NMNAT2: variants seen among roughly 807,000 people sequenced by gnomAD.
NMNAT2 encodes the protein nicotinamide/nicotinic acid mononucleotide adenylyltransferase 2.
Under a neutral mutation model 41.6 loss-of-function variants are expected in NMNAT2, and 11 were observed. The observed-to-expected ratio is 0.26, with a 90% CI of 0.17 to 0.44. The LOEUF (loss-of-function observed/expected upper bound fraction) is 0.44, where lower values mean the gene tolerates loss of function less well. Ranked by LOEUF, NMNAT2 falls within the 20% of genes least tolerant of loss-of-function variation. NMNAT2 has a pLI of 1.00. For missense variants in NMNAT2, 288 were observed against 407.7 expected (o/e 0.71, Z 2.53); for synonymous variants, 148 against 151.2 (o/e 0.98, Z 0.16).
In NMNAT2 at chr1:183,347,988, T is replaced by C. The variant is rs1201166850; in HGVS notation, c.86-54195A>G. 2.6e-5 allele frequency among the ~76,000 whole-genome samples: 4 copies of C among 152,120 alleles called. No homozygotes were observed. In the South Asian group the frequency reaches 6.2e-4, roughly 24 times the overall value. ...CCACTAAAAGGTAACCCCAAGGAGA[T>C]TCCTGATATACCTCCCCCATTCCCA... On this transcript the variant is annotated intron_variant, in intron 1 of 10. Transcript: ENST00000287713.
At chr1:183,345,940 C>T (rs1662919949) in intron 1 of NMNAT2, among the ~76,000 whole-genome samples, 1 of 152,166 alleles carries the variant, frequency 6.6e-6, no homozygotes, top group Non-Finnish European at 1.5e-5. Flanking sequence ...CCTGCCTCGG[C>T]CTCCCAAAGT....
intron 4 of NMNAT2, among the ~76,000 whole-genome samples, chr1:183,288,180 G>T (rs1661443038): frequency 6.6e-6 from 1 of 152,288 alleles, no homozygotes; most frequent in African/African-American, 2.4e-5. Context: ...CATTTGACTT[G>T]TTCTATCTCT....
chr1:183,369,083 C>T (rs1201356327), intron 1 of NMNAT2, among the ~76,000 whole-genome samples: 1 of 152,156 alleles, frequency 6.6e-6, no homozygotes, highest in South Asian at 2.1e-4. Context: ...CACTACGCAG[C>T]TCTGCCCCTG....
intron 1 of NMNAT2, among the ~76,000 whole-genome samples, chr1:183,348,225 T>C (rs111443378): frequency 1.3e-5 from 2 of 152,248 alleles, no homozygotes; most frequent in Non-Finnish European, 1.5e-5. Context: ...GGTTTTTTTT[T>C]TCTGGTCCCT....
At chr1:183,327,442 T>C (rs1662493351) in intron 1 of NMNAT2, among the ~76,000 whole-genome samples, 1 of 152,222 alleles carries the variant, frequency 6.6e-6, no homozygotes, top group African/African-American at 2.4e-5. Flanking sequence ...TGAAGATGTG[T>C]TGGCTCAAGC....
In NMNAT2 at chr1:183,252,588, A is replaced by G. The variant is rs1177894404; in HGVS notation, c.*53T>C. On this transcript the variant is annotated 3_prime_UTR_variant, in exon 11 of 11. Coordinates refer to ENST00000287713, the MANE Select transcript of NMNAT2 (RefSeq NM_015039.4). ...AGAAACAGAGAGGCAGGAGAGAAAC[A>G]GGGGGCTGACAAAGATGGAGGGGCC... is the stretch of plus-strand genomic sequence containing the variant. 7.3e-6 allele frequency: 9 copies of G among 1,228,182 alleles called. No individual in the cohort carries two copies. In the African/African-American group the frequency reaches 7.4e-5, roughly 10 times the overall value. 76.1% of individuals were successfully genotyped at this position (1,228,182 alleles called of 1,614,324 possible).
intron 1 of NMNAT2, among the ~76,000 whole-genome samples, chr1:183,329,415 T>C (rs1317045809): frequency 1.3e-5 from 2 of 152,216 alleles, no homozygotes; most frequent in African/African-American, 2.4e-5. Flanking sequence ...TTTTAACCCA[T>C]TAAAGTGTAC....
chr1:183,384,940 C>G (rs574122506), intron 1 of NMNAT2, among the ~76,000 whole-genome samples: 5 of 151,868 alleles, frequency 3.3e-5, no homozygotes, highest in Non-Finnish European at 2.9e-5. Flanking sequence ...ATCTGTAGTC[C>G]CAGTGTTTTG....
intron 1 of NMNAT2, among the ~76,000 whole-genome samples, chr1:183,346,097 CCCT>C (rs1225762024): frequency 6.6e-6 from 1 of 152,092 alleles, no homozygotes; most frequent in Non-Finnish European, 1.5e-5. Context: ...CACATCTGTC[CCCT>C]GATTCCCAGC....
chr1:183,290,019 C>T (rs1474558313), intron 4 of NMNAT2, 109 bp downstream of exon 4: 6 of 801,778 alleles, frequency 7.5e-6, no homozygotes, highest in Non-Finnish European at 8.0e-6. Flanking sequence ...GAAAGCAGGT[C>T]GATAGGCCAG....
chr1:183,367,330 T>C (rs997140624), intron 1 of NMNAT2, among the ~76,000 whole-genome samples: 2 of 152,118 alleles, frequency 1.3e-5, no homozygotes, highest in Non-Finnish European at 2.9e-5. Context: ...TGGTGGCATG[T>C]GCCTGTAGTC....
intron 1 of NMNAT2, among the ~76,000 whole-genome samples, chr1:183,416,466 GA>G (rs1169040943): frequency 2.6e-5 from 4 of 152,250 alleles, no homozygotes; most frequent in African/African-American, 9.6e-5. Flanking sequence ...GGAAAGGGAT[GA>G]AGACACCAGC....
rs1663654459 is a variant in NMNAT2 at position 183,375,406 on chromosome 1, A to G, written c.85+42777T>C. Among the ~76,000 whole-genome samples, 5 of 152,008 alleles carry G rather than the reference A, an allele frequency of 3.3e-5. No individual in the cohort carries two copies. The South Asian group carries it at 1.0e-3, about 32-fold the overall frequency. ...ACACCCTACTCCCCACTTACTCTTC[A>G]GCACTTTCTATTTCCTGAGCCTGAC... On this transcript the variant is annotated intron_variant, in intron 1 of 10. Coordinates refer to ENST00000287713, the MANE Select transcript of NMNAT2 (RefSeq NM_015039.4).
intron 1 of NMNAT2, among the ~76,000 whole-genome samples, chr1:183,354,982 C>A (rs1449453283): frequency 6.6e-6 from 1 of 152,222 alleles, no homozygotes. Flanking sequence ...TTCTGCTCAA[C>A]AAAGGCTCCT....
At chr1:183,408,896 T>C (rs1649040291) in intron 1 of NMNAT2, among the ~76,000 whole-genome samples, 1 of 152,216 alleles carries the variant, frequency 6.6e-6, no homozygotes, top group Non-Finnish European at 1.5e-5. Flanking sequence ...CTTTTAAAGA[T>C]CTTGTAGTTG....
At chr1:183,296,098 C>T (rs10752909) in intron 1 of NMNAT2, among the ~76,000 whole-genome samples, 83,753 of 152,038 alleles carry the variant, frequency 0.55, 24,396 homozygotes, top group Non-Finnish European at 0.64. Context: ...GATCCGCCTG[C>T]CACGGCCTCC....
At chr1:183,287,442 G>A (rs893365393) in intron 4 of NMNAT2, among the ~76,000 whole-genome samples, 2 of 152,184 alleles carry the variant, frequency 1.3e-5, no homozygotes, top group African/African-American at 4.8e-5. Flanking sequence ...GGTGGGTTCT[G>A]AGCACTCTCT....
intron 1 of NMNAT2, among the ~76,000 whole-genome samples, chr1:183,360,970 C>G (rs1166938297): frequency 6.6e-6 from 1 of 152,204 alleles, no homozygotes; most frequent in African/African-American, 2.4e-5. Flanking sequence ...CCACCAACCC[C>G]TCTCTCCAGA....
chr1:183,411,193 T>C (rs1199554567), intron 1 of NMNAT2, among the ~76,000 whole-genome samples: 2 of 152,358 alleles, frequency 1.3e-5, no homozygotes, highest in Admixed American at 1.3e-4. Context: ...TTGCTTTGTT[T>C]AGTTTGTTAT....
Sources: allele counts gnomAD v4.1 joint callset (sites outside exome capture counted in the v4.1 genomes callset), GRCh38; gene constraint gnomAD v4.1.1; transcripts MANE v1.5; gene names NCBI Gene and HGNC (gene_info 2026-07-23, HGNC 2026-07-21).